TAS2R1: variants seen among roughly 807,000 people sequenced by gnomAD.
TAS2R1 encodes the protein taste receptor type 2 member 1.
For synonymous variants in TAS2R1, 141 were observed against 134.2 expected, an observed-to-expected ratio of 1.05 and a Z score of -0.35; for missense variants, 370 against 353.4, an observed-to-expected ratio of 1.05 and a Z score of -0.38.
chr5:9,780,931 A>G, the TAS2R1 span, among the ~76,000 whole-genome samples: 2 of 152,356 alleles, frequency 1.3e-5, no homozygotes, highest in South Asian at 4.1e-4. Flanking sequence ...AGACTGCAGC[A>G]TCAACTCCCT....
chr5:9,671,755 C>A (rs550016769), intron 1 of TAS2R1, among the ~76,000 whole-genome samples: 11 of 152,142 alleles, frequency 7.2e-5, no homozygotes, highest in African/African-American at 2.7e-4. Flanking sequence ...TATCAAACTA[C>A]CAGCATCATT....
chr5:9,672,881 T>C (rs404718), intron 1 of TAS2R1, among the ~76,000 whole-genome samples: 144,381 of 152,254 alleles, frequency 0.95, 69,027 homozygotes, highest in Non-Finnish European at 1. Flanking sequence ...ATAGCAAAGA[T>C]ATGGAATCAA....
intron 1 of TAS2R1, among the ~76,000 whole-genome samples, chr5:9,677,462 T>A (rs1466310476): frequency 2.4e-5 from 3 of 127,144 alleles, no homozygotes; most frequent in African/African-American, 5.6e-5. Flanking sequence ...AAAAAAAAAA[T>A]TTGCAGGCCT....
chr5:9,850,257 T>C, the TAS2R1 span, among the ~76,000 whole-genome samples: 1 of 152,230 alleles, frequency 6.6e-6, no homozygotes, highest in Non-Finnish European at 1.5e-5. Context: ...ACTCTCTATG[T>C]GTGTGCTTAT....
the TAS2R1 span, among the ~76,000 whole-genome samples, chr5:9,719,875 A>G: frequency 0.44 from 64,139 of 145,180 alleles, 15,367 homozygotes; most frequent in African/African-American, 0.65. Flanking sequence ...CCGAGATCGC[A>G]CCACTGCACT....
At chr5:9,705,873 A>G (rs1385912420) in intron 1 of TAS2R1, among the ~76,000 whole-genome samples, 1 of 152,104 alleles carries the variant, frequency 6.6e-6, no homozygotes, top group East Asian at 1.9e-4. Context: ...CCCCCAAAAA[A>G]AGACTTTTAG....
At chr5:9,681,078 T>C (rs1215268861) in intron 1 of TAS2R1, among the ~76,000 whole-genome samples, 1 of 151,720 alleles carries the variant, frequency 6.6e-6, no homozygotes, top group Non-Finnish European at 1.5e-5. Flanking sequence ...TCAATCAATA[T>C]TTTAAAAATA....
the TAS2R1 span, among the ~76,000 whole-genome samples, chr5:9,728,477 T>C: frequency 7.2e-5 from 11 of 152,230 alleles, no homozygotes; most frequent in African/African-American, 2.2e-4. Flanking sequence ...ATGTAACTTG[T>C]GTTTTCAAAT....
At chr5:9,788,782 A>C in the TAS2R1 span, among the ~76,000 whole-genome samples, 2 of 152,228 alleles carry the variant, frequency 1.3e-5, no homozygotes, top group Non-Finnish European at 2.9e-5. Context: ...AAGAATACAG[A>C]GTGGAGGTTG....
the TAS2R1 span, among the ~76,000 whole-genome samples, chr5:9,718,654 A>G: frequency 2.0e-5 from 3 of 152,176 alleles, no homozygotes; most frequent in African/African-American, 7.2e-5. Flanking sequence ...AAATCAAATC[A>G]GGCAGTTAGT....
chr5:9,811,614 G>A, the TAS2R1 span, among the ~76,000 whole-genome samples: 3,680 of 152,110 alleles, frequency 0.024, 159 homozygotes, highest in African/African-American at 0.084. Context: ...TGAATACCTC[G>A]GAACTCTGTC....
the TAS2R1 span, among the ~76,000 whole-genome samples, chr5:9,837,672 G>T: frequency 2.0e-5 from 3 of 152,046 alleles, no homozygotes; most frequent in Admixed American, 2.0e-4. Context: ...GCACACACAC[G>T]TCTCCACTGG....
At position 9,637,178 on chromosome 5, in the gene TAS2R1, ATT is replaced by A. The variant is rs202008490; in HGVS notation, c.-80-7188_-80-7187del. Among the ~76,000 whole-genome samples the A allele has an allele frequency of 2.1e-4, 32 of 152,280 alleles. No individual in the cohort carries two copies. The East Asian group carries it at 5.8e-3, about 28-fold the overall frequency. Reference sequence around the variant, plus strand: ...CTGAAAAAGACTTTATCTGTCCTTCATTTATGAAGCTTAGTTTTGCTGGGTAC... The same window carrying A: ...CTGAAAAAGACTTTATCTGTCCTTCATATGAAGCTTAGTTTTGCTGGGTAC... On this transcript the variant is annotated intron_variant, in intron 2 of 2. Transcript: ENST00000506620.
chr5:9,890,196 G>C, the TAS2R1 span, among the ~76,000 whole-genome samples: 7 of 152,090 alleles, frequency 4.6e-5, no homozygotes, highest in African/African-American at 1.7e-4. Flanking sequence ...AGCTAGAAAA[G>C]GCAAGGTAAA....
At chr5:9,899,436 A>G in the TAS2R1 span, among the ~76,000 whole-genome samples, 2 of 152,154 alleles carry the variant, frequency 1.3e-5, no homozygotes, top group Non-Finnish European at 2.9e-5. Flanking sequence ...CAGGAGTTCA[A>G]GACCAGCCTA....
At chr5:9,831,878 T>A in the TAS2R1 span, among the ~76,000 whole-genome samples, 1 of 152,198 alleles carries the variant, frequency 6.6e-6, no homozygotes, top group African/African-American at 2.4e-5. Context: ...AATTCTGACA[T>A]ACTAGAGAGC....
intron 2 of TAS2R1, among the ~76,000 whole-genome samples, chr5:9,638,722 G>T (rs1415954041): frequency 6.6e-6 from 1 of 152,184 alleles, no homozygotes; most frequent in Non-Finnish European, 1.5e-5. Context: ...ACCAGGGAAG[G>T]TAGGGAAATA....
the TAS2R1 span, among the ~76,000 whole-genome samples, chr5:9,800,932 C>T: frequency 1.3e-5 from 2 of 152,180 alleles, no homozygotes; most frequent in South Asian, 2.1e-4. Flanking sequence ...TGGCTCAACC[C>T]TGTAATCCCC....
chr5:9,756,842 G>A, the TAS2R1 span, among the ~76,000 whole-genome samples: 1 of 152,110 alleles, frequency 6.6e-6, no homozygotes, highest in African/African-American at 2.4e-5. Flanking sequence ...ATGGTGATCT[G>A]TTTAATCAAT....
Sources: allele counts gnomAD v4.1 joint callset (sites outside exome capture counted in the v4.1 genomes callset), GRCh38; gene constraint gnomAD v4.1.1; transcripts MANE v1.5; gene names NCBI Gene and HGNC (gene_info 2026-07-23, HGNC 2026-07-21).